The following GUCA1B variants were observed in gnomAD, a reference collection of about 807,000 sequenced individuals.
GUCA1B encodes guanylyl cyclase-activating protein 2.
In GUCA1B, 22 loss-of-function variants were observed where a neutral mutation model predicts 24.2. That is an observed-to-expected ratio of 0.91 (90% CI 0.65 to 1.30). The LOEUF (loss-of-function observed/expected upper bound fraction) is 1.30, where lower values mean the gene tolerates loss of function less well. Among genes scored for constraint, GUCA1B ranks in the 50% most tolerant of loss-of-function variants. GUCA1B has a pLI of 0.00. For missense variants in GUCA1B, 221 were observed against 258.8 expected (o/e 0.85, Z 1.00); for synonymous variants, 100 against 97.9 (o/e 1.02, Z -0.13).
chr6:42,188,878 A>G, intron 1 of GUCA1B, 147 bp from the exon 2 acceptor site: 1 of 715,682 alleles, frequency 1.4e-6, no homozygotes, highest in Non-Finnish European at 2.5e-6. Flanking sequence ...CCCTTGGGGT[A>G]GAGAACATTC....
In GUCA1B at chr6:42,184,128, G is replaced by T. The variant is rs926264770; in HGVS notation, c.*687C>A. Among the ~76,000 whole-genome samples the T allele has an allele frequency of 6.7e-6, 1 of 148,290 alleles. No individual in the cohort carries two copies. Among genetic ancestry groups the T allele is most frequent in the East Asian group, 2.0e-4 (1 of 4,998 alleles). On this transcript the variant is annotated 3_prime_UTR_variant, in exon 4 of 4. Coordinates refer to ENST00000230361, the MANE Select transcript of GUCA1B (RefSeq NM_002098.6). ...TTTTTTGAGACGGAGTCTCACTGTC[G>T]TCCAGGCTGGAGTGCAGTGGCGCAA...
At chr6:42,185,246 A>G (rs1354417141) in intron 3 of GUCA1B, among the ~76,000 whole-genome samples, 1 of 152,226 alleles carries the variant, frequency 6.6e-6, no homozygotes, top group Non-Finnish European at 1.5e-5. Context: ...CTCTCCCCAC[A>G]TAGCCCTGAG....
In GUCA1B at chr6:42,184,772, G is replaced by A; in HGVS notation, c.*43C>T. The stretch of plus-strand genomic sequence containing the variant: ...AGCCAGGGACCCTCCTACTACCCTG[G>A]AAACCTGGGTGAGCCTGGAGTCGTG... On this transcript the variant is annotated 3_prime_UTR_variant, in exon 4 of 4. Coordinates refer to ENST00000230361, the MANE Select transcript of GUCA1B (RefSeq NM_002098.6). 2 of 1,607,400 alleles carry A rather than the reference G, an allele frequency of 1.2e-6. 1 individual carries two copies. The highest frequency in any genetic ancestry group is 2.2e-5 in the South Asian group (2 of 90,940).
rs1768162648 is a variant in GUCA1B, at chr6:42,184,662, A to G, written c.*153T>C. 1 of 818,962 alleles carries G rather than the reference A, an allele frequency of 1.2e-6. No individual in the cohort carries two copies. The highest frequency in any genetic ancestry group is 2.1e-6 in the Non-Finnish European group (1 of 476,476). 50.7% of individuals were successfully genotyped at this position (818,962 alleles called of 1,614,324 possible). A position where few individuals can be genotyped will look rare whatever the true frequency, so the allele number is the denominator to read the frequency against. On this transcript the variant is annotated 3_prime_UTR_variant, in exon 4 of 4. Coordinates refer to ENST00000230361, the MANE Select transcript of GUCA1B (RefSeq NM_002098.6). ...ATGCCCTGTTGGCCACTTCAAACCC[A>G]GCAGCCCTTCCCCATCCCCACTCAG... is the stretch of plus-strand genomic sequence containing the variant.
At chr6:42,185,837 A>G (rs1407904019) in intron 2 of GUCA1B, 40 bp from the exon 3 acceptor site, 7 of 1,247,144 alleles carry the variant, frequency 5.6e-6, no homozygotes, top group Non-Finnish European at 7.1e-6. Context: ...GGAGACCCTG[A>G]AAGCTCCACC....
At chr6:42,191,589 C>T (rs1768305496) in intron 1 of GUCA1B, among the ~76,000 whole-genome samples, 1 of 152,052 alleles carries the variant, frequency 6.6e-6, no homozygotes, top group Admixed American at 6.6e-5. Flanking sequence ...AGTGGAATGC[C>T]AACTAATAAA....
rs939615301 is a variant in GUCA1B, at chr6:42,184,137, G to A, written c.*678C>T. Among the ~76,000 whole-genome samples the A allele has an allele frequency of 6.6e-6, 1 of 150,780 alleles. No homozygotes were observed. Among genetic ancestry groups the A allele is most frequent in the Non-Finnish European group, 1.5e-5 (1 of 67,754 alleles). ...ACGGAGTCTCACTGTCGTCCAGGCT[G>A]GAGTGCAGTGGCGCAATCTCGGCTC... On this transcript the variant is annotated 3_prime_UTR_variant, in exon 4 of 4. Coordinates refer to ENST00000230361, the MANE Select transcript of GUCA1B (RefSeq NM_002098.6).
chr6:42,193,885 C>T (rs1412551073), intron 1 of GUCA1B, among the ~76,000 whole-genome samples: 1 of 152,168 alleles, frequency 6.6e-6, no homozygotes, highest in Non-Finnish European at 1.5e-5. Flanking sequence ...TGAGGATTGC[C>T]AGGGCACTGA....
intron 2 of GUCA1B, among the ~76,000 whole-genome samples, chr6:42,186,798 C>T (rs1197004313): frequency 6.6e-6 from 1 of 152,078 alleles, no homozygotes. Flanking sequence ...TAAATCCAGC[C>T]CCAGCACTTC....
Position 42,183,581 on chromosome 6 carries a change from T to C in GUCA1B, c.*1234A>G, listed in dbSNP as rs1397622938. ...TAAAAACACAATAATCCAAAACTGTTCGCCTAGTCCGACCTGCTCACTGTG... is the reference window on the plus strand; with the variant it reads ...TAAAAACACAATAATCCAAAACTGTCCGCCTAGTCCGACCTGCTCACTGTG... On this transcript the variant is annotated 3_prime_UTR_variant, in exon 4 of 4. Transcript: ENST00000230361. Among the ~76,000 whole-genome samples the C allele has an allele frequency of 6.6e-6, 1 of 152,168 alleles. No individual in the cohort carries two copies. The highest frequency in any genetic ancestry group is 1.5e-5 in the Non-Finnish European group (1 of 68,030).
Position 42,188,607 on chromosome 6 carries a change from C to A in GUCA1B, c.332G>T (p.Arg111Leu). 6.2e-7 allele frequency: 1 copy of A among 1,614,072 alleles called. No homozygotes were observed. Among genetic ancestry groups the A allele is most frequent in the Non-Finnish European group, 8.5e-7 (1 of 1,179,988 alleles). The change falls in exon 2 of 4, where the codon CGC becomes CTC. Residue 111 changes from arginine (R) to leucine (L), a missense_variant. Coordinates refer to ENST00000230361, the MANE Select transcript of GUCA1B (RefSeq NM_002098.6). Reference protein sequence around the residue: ...YDKDGNGCIDRLELLNIVEGI... With the variant: ...YDKDGNGCIDLLELLNIVEGI... ...CTCCACAATGTTGAGTAGCTCCAGG[C>A]GGTCGATGCAGCCATTGCCATCCTT...
intron 1 of GUCA1B, among the ~76,000 whole-genome samples, chr6:42,193,892 C>T (rs1768354130): frequency 6.6e-6 from 1 of 152,180 alleles, no homozygotes; most frequent in Admixed American, 6.5e-5. Flanking sequence ...TGCCAGGGCA[C>T]TGAACTGGAT....
intron 1 of GUCA1B, among the ~76,000 whole-genome samples, chr6:42,193,974 T>C (rs888280389): frequency 1.3e-5 from 2 of 152,226 alleles, no homozygotes; most frequent in East Asian, 1.9e-4. Context: ...ATTTACAAGA[T>C]GTGTTATCTT....
At chr6:42,190,266 CTAAT>C (rs1449597073) in intron 1 of GUCA1B, among the ~76,000 whole-genome samples, 1 of 151,916 alleles carries the variant, frequency 6.6e-6, no homozygotes, top group East Asian at 1.9e-4. Context: ...ATATACTTAT[CTAAT>C]TGAGGTCAGA....
intron 2 of GUCA1B, among the ~76,000 whole-genome samples, chr6:42,188,141 C>G (rs962906709): frequency 4.6e-5 from 7 of 152,166 alleles, no homozygotes; most frequent in Non-Finnish European, 8.8e-5. Context: ...CCACTGCACC[C>G]AGCTTCTGTT....
chr6:42,190,073 C>G (rs1209562375), intron 1 of GUCA1B, among the ~76,000 whole-genome samples: 2 of 152,152 alleles, frequency 1.3e-5, no homozygotes, highest in Non-Finnish European at 1.5e-5. Context: ...AGCCCCAGAT[C>G]AAGGGGTGCC....
At position 42,188,448 on chromosome 6, in the gene GUCA1B, G is replaced by A. The variant is rs1362771712; in HGVS notation, c.357+134C>T. 14 of 744,782 alleles carry A rather than the reference G, an allele frequency of 1.9e-5. No individual in the cohort carries two copies. The African/African-American group carries it at 2.3e-4, about 12-fold the overall frequency. The allele number at this position is 744,782 out of a possible 1,614,324, so 46.1% of individuals were successfully genotyped here. On this transcript the variant is annotated intron_variant, in intron 2 of 3. Transcript: ENST00000230361. Reference sequence around the variant, plus strand: ...CCACTAGAAATTACACACTCAGAATGAGAACACAGGAAACACACTCAGAAT... The same window carrying A: ...CCACTAGAAATTACACACTCAGAATAAGAACACAGGAAACACACTCAGAAT...
At chr6:42,188,113 T>G (rs1768228209) in intron 2 of GUCA1B, among the ~76,000 whole-genome samples, 1 of 152,186 alleles carries the variant, frequency 6.6e-6, no homozygotes, top group Non-Finnish European at 1.5e-5. Context: ...CCCAAAGTGC[T>G]GGGATTACAG....
At chr6:42,186,190 T>G (rs1192945693) in intron 2 of GUCA1B, among the ~76,000 whole-genome samples, 2 of 152,216 alleles carry the variant, frequency 1.3e-5, no homozygotes, top group Admixed American at 6.5e-5. Context: ...CCTGTATATG[T>G]GTAAAACAGA....
Sources: allele counts gnomAD v4.1 joint callset (sites outside exome capture counted in the v4.1 genomes callset), GRCh38; gene constraint gnomAD v4.1.1; transcripts MANE v1.5; gene names NCBI Gene and HGNC (gene_info 2026-07-23, HGNC 2026-07-21).